Variants in CRTAC1 observed in about 807,000 individuals in gnomAD.
CRTAC1 encodes the protein acidic secreted protein in cartilage.
Under a neutral mutation model 67.8 loss-of-function variants are expected in CRTAC1, and 37 were observed. The ratio of observed to expected loss-of-function variants is 0.55; its 90% CI spans 0.42 to 0.72. The LOEUF (loss-of-function observed/expected upper bound fraction) is 0.72. Ranked by LOEUF, CRTAC1 falls within the 30% of genes least tolerant of loss-of-function variation. CRTAC1 has a pLI of 0.00. For synonymous variants in CRTAC1, 348 were observed against 371.0 expected (o/e 0.94, Z 0.71); for missense variants, 780 against 931.6 (o/e 0.84, Z 2.12).
intron 2 of CRTAC1, among the ~76,000 whole-genome samples, chr10:97,969,589 T>C (rs931587278): frequency 1.2e-4 from 18 of 152,162 alleles, no homozygotes; most frequent in African/African-American, 4.1e-4. Context: ...ATCTGAGACA[T>C]TAACCATTGC....
At chr10:97,964,634 G>C (rs192149455) in intron 2 of CRTAC1, among the ~76,000 whole-genome samples, 57 of 152,304 alleles carry the variant, frequency 3.7e-4, no homozygotes, top group Admixed American at 2.2e-3. Flanking sequence ...CTTTGGGAAG[G>C]CTTGCCGACC....
At chr10:98,009,602 G>C (rs1033895244) in intron 2 of CRTAC1, among the ~76,000 whole-genome samples, 4 of 152,194 alleles carry the variant, frequency 2.6e-5, no homozygotes, top group Admixed American at 1.3e-4. Flanking sequence ...ATACTAGGTT[G>C]GCTACGGTTA....
At chr10:97,959,395 C>A (rs1232035685) in intron 2 of CRTAC1, among the ~76,000 whole-genome samples, 1 of 152,180 alleles carries the variant, frequency 6.6e-6, no homozygotes, top group Non-Finnish European at 1.5e-5. Context: ...GCACATGCAC[C>A]TGAATGTGTG....
intron 1 of CRTAC1, among the ~76,000 whole-genome samples, chr10:98,026,454 C>A (rs891335380): frequency 9.9e-5 from 15 of 152,184 alleles, no homozygotes; most frequent in Admixed American, 1.3e-4. Flanking sequence ...TGTACTATAA[C>A]CACAATGTAT....
chr10:97,906,026 C>T (rs778178211), intron 6 of CRTAC1, among the ~76,000 whole-genome samples: 1 of 152,174 alleles, frequency 6.6e-6, no homozygotes, highest in Non-Finnish European at 1.5e-5. Context: ...TCATCAGGCT[C>T]TCTGGGATGG....
intron 5 of CRTAC1, among the ~76,000 whole-genome samples, chr10:97,912,288 T>C (rs1232677612): frequency 1.3e-5 from 2 of 152,192 alleles, no homozygotes; most frequent in Admixed American, 1.3e-4. Flanking sequence ...GACCTCCTTG[T>C]TCTGCTGTTG....
intron 2 of CRTAC1, among the ~76,000 whole-genome samples, chr10:97,949,915 G>A (rs2051324080): frequency 6.6e-6 from 1 of 152,196 alleles, no homozygotes; most frequent in African/African-American, 2.4e-5. Flanking sequence ...GTAAACACTG[G>A]TTAATATGTC....
intron 2 of CRTAC1, among the ~76,000 whole-genome samples, chr10:97,942,233 C>G (rs1335821917): frequency 2.0e-5 from 3 of 152,206 alleles, no homozygotes; most frequent in Admixed American, 6.5e-5. Context: ...GAGACTGTGT[C>G]TGGTTTGTTC....
At chr10:97,950,238 CACACACACAGAGAGAGAG>C (rs929939382) in intron 2 of CRTAC1, among the ~76,000 whole-genome samples, 6 of 69,746 alleles carry the variant, frequency 8.6e-5, no homozygotes, top group African/African-American at 1.3e-4. Flanking sequence ...TACGTGCACA[CACACACACAGAGAGAGAG>C]AGAGAGAGAG....
chr10:98,001,981 A>G (rs1384933644), intron 2 of CRTAC1, among the ~76,000 whole-genome samples: 4 of 152,252 alleles, frequency 2.6e-5, no homozygotes, highest in Non-Finnish European at 2.9e-5. Context: ...AGTTGCGTAT[A>G]TTCCAAAGAG....
At chr10:97,973,203 C>A (rs1220400235) in intron 2 of CRTAC1, among the ~76,000 whole-genome samples, 2 of 152,152 alleles carry the variant, frequency 1.3e-5, no homozygotes, top group Non-Finnish European at 2.9e-5. Flanking sequence ...AAAAATATCT[C>A]ATCCTGGCTG....
chr10:97,932,536 TGGG>T (rs751596511), intron 3 of CRTAC1, among the ~76,000 whole-genome samples: 3 of 151,736 alleles, frequency 2.0e-5, no homozygotes, highest in African/African-American at 4.8e-5. Flanking sequence ...CAGGGGGTAA[TGGG>T]GGTACAATTT....
At chr10:97,972,797 C>A (rs1386537102) in intron 2 of CRTAC1, among the ~76,000 whole-genome samples, 1 of 152,080 alleles carries the variant, frequency 6.6e-6, no homozygotes, top group Non-Finnish European at 1.5e-5. Context: ...AATACTGAGT[C>A]AAGAAGCAAG....
intron 3 of CRTAC1, among the ~76,000 whole-genome samples, chr10:97,924,391 G>A (rs1335380630): frequency 2.0e-5 from 3 of 152,240 alleles, no homozygotes; most frequent in Non-Finnish European, 4.4e-5. Flanking sequence ...GGGAAGGTGA[G>A]GTTGAGGAAG....
At chr10:97,948,614 C>T (rs1427547634) in intron 2 of CRTAC1, among the ~76,000 whole-genome samples, 1 of 152,010 alleles carries the variant, frequency 6.6e-6, no homozygotes, top group Non-Finnish European at 1.5e-5. Flanking sequence ...GTGTCATGTA[C>T]CAGCTGATGG....
intron 1 of CRTAC1, among the ~76,000 whole-genome samples, chr10:98,021,010 C>T (rs1287823349): frequency 1.3e-5 from 2 of 151,678 alleles, no homozygotes; most frequent in African/African-American, 2.4e-5. Context: ...CCACTATTCA[C>T]TCATTCATTC....
chr10:98,017,092 C>A (rs764570151), intron 1 of CRTAC1, among the ~76,000 whole-genome samples: 2 of 152,148 alleles, frequency 1.3e-5, no homozygotes, highest in Non-Finnish European at 2.9e-5. Flanking sequence ...GTTTTGTTTT[C>A]TTGAATGCTT....
At chr10:97,909,140 T>C (rs1419967451) in intron 5 of CRTAC1, among the ~76,000 whole-genome samples, 1 of 152,196 alleles carries the variant, frequency 6.6e-6, no homozygotes, top group Non-Finnish European at 1.5e-5. Context: ...CTTTGAAGTC[T>C]CTAAGATCAA....
intron 2 of CRTAC1, among the ~76,000 whole-genome samples, chr10:98,006,264 T>G (rs1313028817): frequency 6.6e-6 from 1 of 152,222 alleles, no homozygotes; most frequent in Admixed American, 6.5e-5. Flanking sequence ...GGCTTTCTAT[T>G]TACTGAAAAA....
Sources: allele counts gnomAD v4.1 joint callset (sites outside exome capture counted in the v4.1 genomes callset), GRCh38; gene constraint gnomAD v4.1.1; transcripts MANE v1.5; gene names NCBI Gene and HGNC (gene_info 2026-07-23, HGNC 2026-07-21).